The following MDGA1 variants were observed in gnomAD, a reference collection of about 807,000 sequenced individuals.
MDGA1 encodes the protein MAM domain-containing glycosylphosphatidylinositol anchor protein 1.
MDGA1 carries 54 observed loss-of-function variants against 101.5 expected under a neutral mutation model. The observed-to-expected ratio is 0.53, with a 90% confidence interval of 0.43 to 0.67. The LOEUF (loss-of-function observed/expected upper bound fraction) is 0.67. Among genes scored for constraint, MDGA1 ranks in the 30% least tolerant of loss-of-function variants. MDGA1 has a pLI of 0.00. For synonymous variants in MDGA1, 533 were observed against 558.3 expected (o/e 0.95, Z 0.64); for missense variants, 1,083 against 1,323.8 (o/e 0.82, Z 2.82).
At position 37,647,166 on chromosome 6, in the gene MDGA1, G is replaced by A; in HGVS notation, c.2046+7C>T. The A allele has an allele frequency of 3.8e-6, 6 of 1,589,718 alleles. No homozygotes were observed. The highest frequency in any genetic ancestry group is 5.1e-6 in the Non-Finnish European group (6 of 1,168,314). The stretch of plus-strand genomic sequence containing the variant: ...TGCCCCCAGGCCCCCGCTCCCCCTT[G>A]GCCCACCTGGCGGATGCTGAGTCTG... On this transcript the variant is annotated splice_region_variant and intron_variant, in intron 10 of 16. Transcript: ENST00000434837.
At chr6:37,692,465 T>C (rs13219289) in intron 1 of MDGA1, among the ~76,000 whole-genome samples, 2 of 142,344 alleles carry the variant, frequency 1.4e-5, no homozygotes, top group Admixed American at 7.0e-5. Flanking sequence ...GTGGGGGCAG[T>C]GGTGTTTGGG....
chr6:37,644,794 G>T, intron 12 of MDGA1, 145 bp from the exon 13 acceptor site: 2 of 853,278 alleles, frequency 2.3e-6, no homozygotes, highest in Non-Finnish European at 3.3e-6. Context: ...CAGGCATGGG[G>T]CCCATAACAA....
chr6:37,652,699 C>T lies in MDGA1; in HGVS notation c.983-359G>A, dbSNP rs1047012210. 3.9e-5 allele frequency among the ~76,000 whole-genome samples: 6 copies of T among 152,348 alleles called. No homozygotes were observed. Among genetic ancestry groups the T allele is most frequent in the Non-Finnish European group, 4.4e-5 (3 of 68,032 alleles). On this transcript the variant is annotated intron_variant, in intron 6 of 16. Coordinates refer to ENST00000434837, the MANE Select transcript of MDGA1 (RefSeq NM_153487.4). The surrounding 1 kb of genome is among the most constrained non-coding windows in gnomAD (Gnocchi z 4.3). ...CATTTTACAAAGAAGGGAACTGAGG[C>T]TCAGACAGCTTAAGTAACTTGCCCA...
intron 8 of MDGA1, 34 bp from the exon 9 acceptor site, chr6:37,649,300 C>A (rs552242530): frequency 1.4e-6 from 2 of 1,452,838 alleles, no homozygotes; most frequent in African/African-American, 1.5e-5. Context: ...CGGGGCCTCT[C>A]CCCAGCGAGT....
At chr6:37,639,464 G>A (rs1316607654) in intron 14 of MDGA1, 3 of 152,358 alleles carry the variant, frequency 2.0e-5, no homozygotes, top group African/African-American at 7.2e-5. Flanking sequence ...AGTCTCCTTT[G>A]AGGCTTCCCA....
At chr6:37,667,157 T>G (rs10485031) in intron 1 of MDGA1, among the ~76,000 whole-genome samples, 12,302 of 152,232 alleles carry the variant, frequency 0.081, 664 homozygotes, top group Middle Eastern at 0.12. Flanking sequence ...GTCGATAAAC[T>G]TGGTCAGCAA....
chr6:37,669,874 G>T (rs974863628), intron 1 of MDGA1, among the ~76,000 whole-genome samples: 2 of 152,224 alleles, frequency 1.3e-5, no homozygotes, highest in Admixed American at 1.3e-4. Flanking sequence ...AGCATTGCTG[G>T]GGAGATGGAT....
intron 2 of MDGA1, among the ~76,000 whole-genome samples, chr6:37,658,633 T>C (rs1037148948): frequency 6.6e-6 from 1 of 152,124 alleles, no homozygotes; most frequent in Admixed American, 6.5e-5. Flanking sequence ...GAATCCGGGA[T>C]CAGAGGGAAG....
In MDGA1 at chr6:37,697,054, C is replaced by T; in HGVS notation, c.-243G>A. The T allele has an allele frequency of 2.4e-6, 1 of 411,398 alleles. No homozygotes were observed. Among genetic ancestry groups the T allele is most frequent in the Non-Finnish European group, 4.3e-6 (1 of 234,186 alleles). 25.5% of individuals were successfully genotyped at this position (411,398 alleles called of 1,614,324 possible). A position where few individuals can be genotyped will look rare whatever the true frequency, so the allele number is the denominator to read the frequency against. ...GCTGGCCCAGCCCCGGGTGCCTCGG[C>T]GCGCCCGGCACAGCAGCCAGCGCCC... On this transcript the variant is annotated 5_prime_UTR_variant, in exon 1 of 17. Transcript: ENST00000434837.
At position 37,649,192 on chromosome 6, in the gene MDGA1, G is replaced by A. The variant is rs1407202795; in HGVS notation, c.1684C>T (p.Leu562=). 2.7e-6 allele frequency: 4 copies of A among 1,502,070 alleles called. No individual in the cohort carries two copies. The East Asian group carries it at 1.1e-4, about 39-fold the overall frequency. 93.0% of individuals were successfully genotyped at this position (1,502,070 alleles called of 1,614,324 possible). The change falls in exon 9 of 17, where the codon CTG becomes TTG. Residue 562 remains leucine, a synonymous_variant. Coordinates refer to ENST00000434837, the MANE Select transcript of MDGA1 (RefSeq NM_153487.4). ...ATGCGCTGGGGGCTGCCTCGCAGCA[G>A]CGAGCAGCGCAGGAGCACGGGCCGG... ...LGRPVLLRCS[L]LRGSPQRIAS... is the part of the protein sequence containing the mutation.
chr6:37,654,988 G>T lies in MDGA1; in HGVS notation c.580-56C>A, dbSNP rs927769030. ...GCCTGCTTGAGTCTCCAGGGATCCC[G>T]CATACTCATTCACCCAGCACCAGAG... On this transcript the variant is annotated intron_variant, in intron 4 of 16. Coordinates refer to ENST00000434837, the MANE Select transcript of MDGA1 (RefSeq NM_153487.4). 2.5e-6 allele frequency: 4 copies of T among 1,593,354 alleles called. No individual in the cohort carries two copies. In the African/African-American group the frequency reaches 5.4e-5, roughly 21 times the overall value.
At chr6:37,657,938 C>G (rs900021976) in intron 3 of MDGA1, among the ~76,000 whole-genome samples, 1 of 152,202 alleles carries the variant, frequency 6.6e-6, no homozygotes, top group Non-Finnish European at 1.5e-5. Context: ...GAGGCTACCC[C>G]GCTCCATGCC....
At chr6:37,686,164 C>T (rs4714095) in intron 1 of MDGA1, among the ~76,000 whole-genome samples, 66,789 of 151,886 alleles carry the variant, frequency 0.44, 15,475 homozygotes, top group African/African-American at 0.58. Flanking sequence ...GAAGTCACTG[C>T]AGGGTGTTTC....
intron 1 of MDGA1, among the ~76,000 whole-genome samples, chr6:37,694,260 C>T (rs944872928): frequency 2.6e-5 from 4 of 152,322 alleles, no homozygotes; most frequent in South Asian, 2.1e-4. Context: ...CTCTGTGACT[C>T]GCCCTAAGCA....
intron 1 of MDGA1, among the ~76,000 whole-genome samples, chr6:37,677,290 A>G (rs934820399): frequency 3.4e-4 from 52 of 152,204 alleles, no homozygotes; most frequent in African/African-American, 1.2e-3. Flanking sequence ...CGAAATGAGA[A>G]CCATAAAACT....
At chr6:37,692,923 C>T (rs868689068) in intron 1 of MDGA1, among the ~76,000 whole-genome samples, 8 of 152,186 alleles carry the variant, frequency 5.3e-5, no homozygotes, top group African/African-American at 1.4e-4. Flanking sequence ...CCTGTAATGT[C>T]GGATGGGACA....
chr6:37,643,734 C>A (rs758223233), intron 14 of MDGA1, 75 bp downstream of exon 14: 1 of 1,581,952 alleles, frequency 6.3e-7, no homozygotes, highest in East Asian at 2.2e-5. Context: ...GCCAGCCCAT[C>A]GCCTCCTGTG....
intron 9 of MDGA1, 46 bp from the exon 10 acceptor site, chr6:37,647,370 G>A: frequency 8.2e-7 from 1 of 1,220,466 alleles, no homozygotes; most frequent in Non-Finnish European, 1.1e-6. Flanking sequence ...GGGTGCAGGG[G>A]AGACACAAAG....
At chr6:37,645,994 G>A (rs1292632854) in intron 11 of MDGA1, 38 bp from the exon 12 acceptor site, 4 of 1,613,802 alleles carry the variant, frequency 2.5e-6, no homozygotes, top group African/African-American at 2.7e-5. Context: ...CAGAACTGAG[G>A]TGTGGGGCTC....
Sources: gnomAD v4.1 joint callset for allele counts (sites outside exome capture counted in the v4.1 genomes callset) on GRCh38, gnomAD v4.1.1 for gene constraint, Gnocchi (gnomAD v3.1) non-coding constraint, MANE v1.5 for transcripts, NCBI Gene and HGNC (gene_info 2026-07-23, HGNC 2026-07-21) for gene names.